Variants in RTN4 observed in about 807,000 individuals in gnomAD.
RTN4 encodes the protein reticulon-4.
RTN4 carries 32 observed loss-of-function variants against 90.4 expected under a neutral mutation model. The observed-to-expected ratio is 0.35, with a 90% CI of 0.27 to 0.48. RTN4 has a LOEUF of 0.48. Ranked by LOEUF, RTN4 falls within the 20% of genes least tolerant of loss-of-function variation. The probability of loss-of-function intolerance (pLI) is 0.99; values close to 1 mark genes in which losing one functional copy is unlikely to be tolerated. For missense variants in RTN4, 1,706 were observed against 1,430.2 expected (o/e 1.19, Z -3.11); for synonymous variants, 629 against 552.5 (o/e 1.14, Z -1.94).
chr2:55,093,038 G>A lies in RTN4; in HGVS notation c.-213-12399C>T, dbSNP rs115254919. ...AAATAACCATTGTGTGTGTGTCTAT[G>A]TGTGTGTGTACGTGTGTAAAATATC... is the stretch of plus-strand genomic sequence containing the variant. On this transcript the variant is annotated intron_variant, in intron 1 of 3. Transcript: ENST00000427710. Among the ~76,000 whole-genome samples the A allele has an allele frequency of 4.0e-3, 611 of 152,268 alleles. 3 individuals are homozygous for A. Among genetic ancestry groups the A allele is most frequent in the African/African-American group, 0.011 (476 of 41,560 alleles).
At chr2:55,065,627 C>A (rs1344923061) in intron 2 of RTN4, among the ~76,000 whole-genome samples, 1 of 152,074 alleles carries the variant, frequency 6.6e-6, no homozygotes, top group African/African-American at 2.4e-5. Context: ...TATAACTCAA[C>A]CCTAGAGAAC....
upstream of RTN4, among the ~76,000 whole-genome samples, chr2:55,113,509 A>G (rs1392269633): frequency 6.6e-6 from 1 of 152,220 alleles, no homozygotes; most frequent in Non-Finnish European, 1.5e-5. Context: ...TAAAAGAGAC[A>G]AGGGTGGTGG....
rs201534077 is a variant in RTN4 at position 55,027,407 on chromosome 2, G to A, written c.692C>T (p.Thr231Ile). 5.0e-6 allele frequency: 8 copies of A among 1,613,570 alleles called. No individual in the cohort carries two copies. The highest frequency in any genetic ancestry group is 6.8e-6 in the Non-Finnish European group (8 of 1,179,738). The change falls in exon 3 of 9, where the codon ACT becomes ATT. Residue 231 changes from threonine to isoleucine, a missense_variant. Physicochemically the swap from Thr to Ile is moderately conservative, Grantham distance 89. Coordinates refer to ENST00000337526, the MANE Select transcript of RTN4 (RefSeq NM_020532.5). ...AGACAGAGAAGGAAGAGAAGCAGCA[G>A]TTTCAAGCAGGACAGATGGGAAATC... The part of the protein sequence containing the change: ...QEDFPSVLLE[T>I]AASLPSLSPL...
intron 1 of RTN4, among the ~76,000 whole-genome samples, chr2:55,091,289 C>A (rs1330659172): frequency 6.6e-6 from 1 of 152,186 alleles, no homozygotes. Flanking sequence ...TGACCTCTTT[C>A]TTCCTCCATT....
intron 7 of RTN4, 82 bp from the exon 8 acceptor site, chr2:54,973,703 G>C (rs1424171928): frequency 6.7e-7 from 1 of 1,496,550 alleles, no homozygotes; most frequent in Non-Finnish European, 9.3e-7. Flanking sequence ...AAAGGCTTAA[G>C]AAACCATCAC....
chr2:55,077,542 A>G (rs1348579770), intron 2 of RTN4, among the ~76,000 whole-genome samples: 10 of 152,158 alleles, frequency 6.6e-5, no homozygotes, highest in Admixed American at 2.0e-4. Flanking sequence ...TACAACCACT[A>G]TGGAAAACAG....
chr2:55,070,378 T>C (rs930551176), intron 2 of RTN4, among the ~76,000 whole-genome samples: 1 of 151,718 alleles, frequency 6.6e-6, no homozygotes, highest in African/African-American at 2.4e-5. Flanking sequence ...ATCTTGTCTC[T>C]ACTAAAAATG....
chr2:55,134,560 A>C, the RTN4 span, among the ~76,000 whole-genome samples: 2 of 152,230 alleles, frequency 1.3e-5, no homozygotes, highest in African/African-American at 4.8e-5. Context: ...AATAAAGTGC[A>C]GTTTGCTTCC....
chr2:55,135,208 G>GTT, the RTN4 span, among the ~76,000 whole-genome samples: 5 of 109,096 alleles, frequency 4.6e-5, no homozygotes, highest in South Asian at 1.4e-3. Flanking sequence ...TGTTTTTTTG[G>GTT]TTTTTTTTTT....
chr2:55,026,719 TGCTCCTGAACG>T lies in RTN4; in HGVS notation c.1369_1379del (p.Arg457IlefsTer8), dbSNP rs766183986. Reference sequence around the variant, plus strand: ...GGTTAAAGGGAGCACATGTGATATATGCTCCTGAACGATCCTTTATACCTTCTGGCGTACTG... The same window carrying T: ...GGTTAAAGGGAGCACATGTGATATATATCCTTTATACCTTCTGGCGTACTG... On this transcript the variant is annotated frameshift_variant, in exon 3 of 9. Transcript: ENST00000337526. LOFTEE classifies it high-confidence loss of function. 1 of 1,613,960 alleles carries T rather than the reference TGCTCCTGAACG, an allele frequency of 6.2e-7. No homozygotes were observed. Among genetic ancestry groups the T allele is most frequent in the African/African-American group, 1.3e-5 (1 of 75,038 alleles).
At chr2:55,023,854 C>A (rs1681626153) in intron 3 of RTN4, among the ~76,000 whole-genome samples, 1 of 152,070 alleles carries the variant, frequency 6.6e-6, no homozygotes, top group Admixed American at 6.6e-5. Flanking sequence ...AACTTGCAAT[C>A]CTTAACTGAC....
chr2:55,116,440 T>C (rs931149581), upstream of RTN4, among the ~76,000 whole-genome samples: 24 of 152,226 alleles, frequency 1.6e-4, no homozygotes, highest in Admixed American at 5.2e-4. Flanking sequence ...CATGGGATCC[T>C]GGGTAAGTTT....
chr2:55,082,677 A>T (rs1668743464), intron 1 of RTN4, among the ~76,000 whole-genome samples: 1 of 152,192 alleles, frequency 6.6e-6, no homozygotes, highest in African/African-American at 2.4e-5. Flanking sequence ...GAAACAATAA[A>T]ATTATTGCTT....
At chr2:54,996,954 T>C (rs1679476476) in intron 3 of RTN4, among the ~76,000 whole-genome samples, 1 of 152,148 alleles carries the variant, frequency 6.6e-6, no homozygotes, top group East Asian at 1.9e-4. Flanking sequence ...AGTGTAAATT[T>C]TCATGACTTT....
At chr2:54,989,248 T>A (rs1288058601) in intron 3 of RTN4, among the ~76,000 whole-genome samples, 1 of 152,240 alleles carries the variant, frequency 6.6e-6, no homozygotes, top group African/African-American at 2.4e-5. Context: ...ATAGCAGGGA[T>A]TCAAACACTT....
At chr2:55,128,859 C>A in the RTN4 span, among the ~76,000 whole-genome samples, 1 of 150,824 alleles carries the variant, frequency 6.6e-6, no homozygotes, top group Non-Finnish European at 1.5e-5. Context: ...GTAATCCCAG[C>A]ACTTTGGAAG....
Position 55,026,152 on chromosome 2 carries a change from T to C in RTN4, c.1947A>G (p.Ile649Met). The change falls in exon 3 of 9, where the codon ATA becomes ATG. Residue 649 changes from isoleucine to methionine, a missense_variant. By Grantham distance (10) the Ile-to-Met change is conservative (BLOSUM62 1). Transcript: ENST00000337526. ...GTGGGGGGTTTTCAGGCTCATGTTT[T>C]ATGCTTTCATAATTAACTGAAGAAG... The part of the protein sequence containing the change: ...LEASSVNYES[I>M]KHEPENPPPY... 6.2e-7 allele frequency: 1 copy of C among 1,613,576 alleles called. No individual in the cohort carries two copies. The highest frequency in any genetic ancestry group is 8.5e-7 in the Non-Finnish European group (1 of 1,179,808).
chr2:55,109,192 C>T (rs1667993920), intron 1 of RTN4, among the ~76,000 whole-genome samples: 1 of 152,060 alleles, frequency 6.6e-6, no homozygotes, highest in African/African-American at 2.4e-5. Flanking sequence ...TGCTAAATTC[C>T]TTTAAAAATA....
intron 1 of RTN4, among the ~76,000 whole-genome samples, chr2:55,032,644 A>C (rs1490366194): frequency 6.6e-6 from 1 of 152,240 alleles, no homozygotes; most frequent in East Asian, 1.9e-4. Context: ...AAACACAACA[A>C]GGGAAAAGGG....
Sources: allele counts gnomAD v4.1 joint callset (sites outside exome capture counted in the v4.1 genomes callset), GRCh38; gene constraint gnomAD v4.1.1; transcripts MANE v1.5; gene names NCBI Gene and HGNC (gene_info 2026-07-23, HGNC 2026-07-21).